Variants in KALRN observed in about 807,000 individuals in gnomAD.
KALRN encodes kalirin RhoGEF kinase, also known as kalirin.
Under a neutral mutation model 353.7 loss-of-function variants are expected in KALRN, and 70 were observed. The observed-to-expected ratio is 0.20, with a 90% confidence interval of 0.16 to 0.24. The LOEUF (loss-of-function observed/expected upper bound fraction) is 0.24. Among genes scored for constraint, KALRN ranks in the 10% least tolerant of loss-of-function variants. KALRN has a pLI of 1.00. For synonymous variants in KALRN, 1,391 were observed against 1,434.8 expected (o/e 0.97, Z 0.69); for missense variants, 2,791 against 3,756.7 (o/e 0.74, Z 6.72).
intron 1 of KALRN, among the ~76,000 whole-genome samples, chr3:124,155,218 A>T (rs2068802519): frequency 6.6e-6 from 1 of 152,212 alleles, no homozygotes; most frequent in African/African-American, 2.4e-5. Flanking sequence ...TCATGTCTAA[A>T]ACACCAAAGG....
At chr3:124,209,286 T>C (rs2150483497) in intron 1 of KALRN, among the ~76,000 whole-genome samples, 1 of 151,830 alleles carries the variant, frequency 6.6e-6, no homozygotes, top group East Asian at 1.9e-4. Context: ...GGGCAGATTG[T>C]CTGAGCTCAG....
chr3:124,105,487 G>A (rs1026090080), intron 1 of KALRN, among the ~76,000 whole-genome samples: 11 of 152,014 alleles, frequency 7.2e-5, no homozygotes, highest in African/African-American at 2.4e-4. Flanking sequence ...ACTGTTTTTC[G>A]AAAGTATTGA....
At chr3:124,589,699 T>C (rs1291229447) in intron 34 of KALRN, among the ~76,000 whole-genome samples, 1 of 152,212 alleles carries the variant, frequency 6.6e-6, no homozygotes, top group Non-Finnish European at 1.5e-5. Context: ...TTTACCATGA[T>C]GGAAACTGAA....
At chr3:124,540,031 T>A (rs1372357720) in intron 33 of KALRN, among the ~76,000 whole-genome samples, 1 of 152,050 alleles carries the variant, frequency 6.6e-6, no homozygotes, top group Non-Finnish European at 1.5e-5. Context: ...TGCCTCAGCC[T>A]CCCGATTAGC....
At chr3:124,159,624 AC>A (rs1446384263) in intron 1 of KALRN, among the ~76,000 whole-genome samples, 10 of 148,486 alleles carry the variant, frequency 6.7e-5, no homozygotes, top group African/African-American at 2.2e-4. Context: ...TTAACTGGTT[AC>A]ATTTTGCCTT....
chr3:124,290,061 G>A (rs1187959852), intron 5 of KALRN, among the ~76,000 whole-genome samples: 1 of 152,168 alleles, frequency 6.6e-6, no homozygotes, highest in East Asian at 1.9e-4. Flanking sequence ...TAGGATTGGA[G>A]GATTGGTAAG....
In KALRN at chr3:124,201,275, C is replaced by G. The variant is rs144157606; in HGVS notation, c.74-26715C>G. Among the ~76,000 whole-genome samples, 70 of 152,344 alleles carry G rather than the reference C, an allele frequency of 4.6e-4. No individual in the cohort carries two copies. In the East Asian group the frequency reaches 0.011, roughly 25 times the overall value. ...TTATGGTAGAGCTTTCCGTGACTCT[C>G]TGCCAAATCCTAATGTAGGATTCTG... On this transcript the variant is annotated intron_variant, in intron 1 of 59. Transcript: ENST00000682506.
intron 1 of KALRN, among the ~76,000 whole-genome samples, chr3:124,182,153 G>C (rs1397233995): frequency 6.6e-6 from 1 of 152,174 alleles, no homozygotes; most frequent in Non-Finnish European, 1.5e-5. Context: ...GTTAGAGAGA[G>C]GACTTTTTGG....
intron 33 of KALRN, among the ~76,000 whole-genome samples, chr3:124,549,504 G>T (rs1478336257): frequency 7.9e-5 from 12 of 151,820 alleles, no homozygotes; most frequent in Admixed American, 6.6e-4. Context: ...GGAGAAAAGT[G>T]ATAAAACTAA....
chr3:124,261,207 C>G (rs2072821532), intron 3 of KALRN, among the ~76,000 whole-genome samples: 1 of 152,048 alleles, frequency 6.6e-6, no homozygotes, highest in African/African-American at 2.4e-5. Context: ...AGTCAACAGT[C>G]CTGGTTTTGA....
rs75112497 is a variant in KALRN, at chr3:124,311,369, A to C, written c.1092+12456A>C. 1.7e-3 allele frequency among the ~76,000 whole-genome samples: 259 copies of C among 151,892 alleles called. 4 individuals carry two copies. In the East Asian group the frequency reaches 0.024, roughly 14 times the overall value. On this transcript the variant is annotated intron_variant, in intron 6 of 59. Transcript: ENST00000682506. Reference sequence around the variant, plus strand: ...TCCCAGCTACTGGGGAGGGCGAAGCAGGAGAATCGCTTGAACTCAGGAGGC... The same window carrying C: ...TCCCAGCTACTGGGGAGGGCGAAGCCGGAGAATCGCTTGAACTCAGGAGGC...
intron 10 of KALRN, among the ~76,000 whole-genome samples, chr3:124,349,332 G>A (rs2082605525): frequency 6.6e-6 from 1 of 152,200 alleles, no homozygotes; most frequent in South Asian, 2.1e-4. Flanking sequence ...GGAGGAATGG[G>A]GAGCTATTGT....
At chr3:124,321,118 T>C (rs1044445062) in intron 6 of KALRN, among the ~76,000 whole-genome samples, 7 of 152,234 alleles carry the variant, frequency 4.6e-5, no homozygotes, top group Non-Finnish European at 7.3e-5. Flanking sequence ...CTTTGCACTA[T>C]TGGTTTTGTG....
chr3:124,502,717 G>A (rs1016881332), intron 33 of KALRN, among the ~76,000 whole-genome samples: 3 of 152,144 alleles, frequency 2.0e-5, no homozygotes, highest in South Asian at 2.1e-4. Context: ...CTGCCCAGGG[G>A]ACTGTGGGGC....
At chr3:124,509,066 A>C (rs553200792) in intron 33 of KALRN, among the ~76,000 whole-genome samples, 1 of 152,222 alleles carries the variant, frequency 6.6e-6, no homozygotes, top group East Asian at 1.9e-4. Context: ...TTTGTTGGTC[A>C]TGTATGTAAT....
At chr3:124,184,152 C>A (rs1007908642) in intron 1 of KALRN, among the ~76,000 whole-genome samples, 1 of 152,172 alleles carries the variant, frequency 6.6e-6, no homozygotes, top group Admixed American at 6.5e-5. Flanking sequence ...ATAGTGTGAG[C>A]ACTTTGGCTC....
chr3:124,597,409 T>C (rs2076373206), intron 34 of KALRN, among the ~76,000 whole-genome samples: 1 of 152,242 alleles, frequency 6.6e-6, no homozygotes, highest in Non-Finnish European at 1.5e-5. Context: ...CCTGCCAGAT[T>C]GCTGGCTAAA....
intron 5 of KALRN, among the ~76,000 whole-genome samples, chr3:124,286,907 T>C (rs1175685443): frequency 6.6e-6 from 1 of 152,240 alleles, no homozygotes. Context: ...TAGTGGATAT[T>C]GTAGATGATA....
intron 10 of KALRN, among the ~76,000 whole-genome samples, chr3:124,360,784 A>G (rs537772789): frequency 2.2e-4 from 33 of 152,286 alleles, no homozygotes; most frequent in African/African-American, 7.7e-4. Context: ...TTTCTGTGAC[A>G]CCGTGAGCAG....
Sources: gnomAD v4.1 joint callset for allele counts (sites outside exome capture counted in the v4.1 genomes callset) on GRCh38, gnomAD v4.1.1 for gene constraint, MANE v1.5 for transcripts, NCBI Gene and HGNC (gene_info 2026-07-23, HGNC 2026-07-21) for gene names.